SLC38A9: variants seen among roughly 807,000 people sequenced by gnomAD.
SLC38A9 encodes the protein neutral amino acid transporter 9.
In SLC38A9, 48 loss-of-function variants were observed where a neutral mutation model predicts 62.3. The observed-to-expected ratio is 0.77, with a 90% CI of 0.61 to 0.98. The LOEUF is 0.98. SLC38A9 is among the 50% of genes least tolerant of loss of function. The probability of loss-of-function intolerance (pLI) is 0.00; values close to 1 mark genes in which losing one functional copy is unlikely to be tolerated. For missense variants in SLC38A9, 541 were observed against 679.8 expected (o/e 0.80, Z 2.27); for synonymous variants, 204 against 227.7 (o/e 0.90, Z 0.94).
At chr5:55,690,704 A>C (rs1354121313) in intron 3 of SLC38A9, among the ~76,000 whole-genome samples, 1 of 152,152 alleles carries the variant, frequency 6.6e-6, no homozygotes, top group African/African-American at 2.4e-5. Flanking sequence ...GGATCTATCT[A>C]CTGTTACCTA....
intron 3 of SLC38A9, among the ~76,000 whole-genome samples, chr5:55,678,292 C>T (rs1362142831): frequency 6.6e-6 from 1 of 151,384 alleles, no homozygotes; most frequent in Non-Finnish European, 1.5e-5. Context: ...CATGTGCCAC[C>T]ACACCCAGCT....
rs372257570 is a variant in SLC38A9 at position 55,644,582 on chromosome 5, C to T, written c.1167+1207G>A. Among the ~76,000 whole-genome samples the T allele has an allele frequency of 1.8e-4, 27 of 151,628 alleles. 6 individuals are homozygous for T. Among genetic ancestry groups the T allele is most frequent in the South Asian group, 2.1e-4 (1 of 4,780 alleles). ...GATTACAGGCGCCCAACACCATACC[C>T]GACTAATTTTTGTATTTTTAGTAGA... On this transcript the variant is annotated intron_variant, in intron 12 of 15. Transcript: ENST00000396865.
At chr5:55,642,922 T>C (rs1179823342) in intron 12 of SLC38A9, among the ~76,000 whole-genome samples, 1 of 152,250 alleles carries the variant, frequency 6.6e-6, no homozygotes, top group Non-Finnish European at 1.5e-5. Context: ...GCCTTCTTAA[T>C]GACTGCCAAA....
chr5:55,696,845 C>T (rs575467358), intron 3 of SLC38A9: 5 of 159,078 alleles, frequency 3.1e-5, no homozygotes, highest in African/African-American at 7.6e-5. Flanking sequence ...TCTTCTCAGA[C>T]GGGGCGGCCG....
chr5:55,700,771 T>C (rs1756536574), intron 2 of SLC38A9, among the ~76,000 whole-genome samples: 1 of 152,222 alleles, frequency 6.6e-6, no homozygotes, highest in South Asian at 2.1e-4. Context: ...CTTAACTTAC[T>C]TGACCTATTG....
intron 8 of SLC38A9, among the ~76,000 whole-genome samples, chr5:55,662,676 C>CAA (rs200497047): frequency 2.2e-5 from 1 of 45,924 alleles, no homozygotes. Flanking sequence ...CTCAAAAAAA[C>CAA]AAAAAAAAAC....
At chr5:55,667,101 A>G (rs946762747) in intron 7 of SLC38A9, among the ~76,000 whole-genome samples, 1 of 152,200 alleles carries the variant, frequency 6.6e-6, no homozygotes, top group African/African-American at 2.4e-5. Context: ...AGGCTGAGGC[A>G]TGAGAATTGC....
intron 11 of SLC38A9, among the ~76,000 whole-genome samples, chr5:55,647,433 G>A (rs575596170): frequency 3.3e-5 from 5 of 152,156 alleles, no homozygotes; most frequent in East Asian, 1.9e-4. Flanking sequence ...AAGTAGAAAC[G>A]TATAAAAAGT....
At chr5:55,656,412 T>C (rs1293367766) in intron 9 of SLC38A9, among the ~76,000 whole-genome samples, 2 of 151,382 alleles carry the variant, frequency 1.3e-5, no homozygotes, top group Non-Finnish European at 2.9e-5. Flanking sequence ...GTGATATAGA[T>C]TCTTGAAAAT....
chr5:55,627,518 G>C (rs1179789803), intron 15 of SLC38A9, among the ~76,000 whole-genome samples: 1 of 152,084 alleles, frequency 6.6e-6, no homozygotes, highest in East Asian at 1.9e-4. Flanking sequence ...AAGGAACTTA[G>C]AATGGATTAA....
chr5:55,635,908 C>G (rs1034955844), intron 12 of SLC38A9, among the ~76,000 whole-genome samples: 1 of 151,628 alleles, frequency 6.6e-6, no homozygotes, highest in African/African-American at 2.4e-5. Flanking sequence ...TGTTGGCAGA[C>G]TTAGAAGTTA....
At position 55,633,876 on chromosome 5, in the gene SLC38A9, A is replaced by C; in HGVS notation, c.1308T>G (p.Ser436Arg). 1.9e-6 allele frequency: 3 copies of C among 1,605,400 alleles called. No homozygotes were observed. Among genetic ancestry groups the C allele is most frequent in the Non-Finnish European group, 2.6e-6 (3 of 1,175,928 alleles). ...EQNFLDNFPS[S>R]DTLSFIARIF... is the part of the protein sequence containing the mutation. ...TCCTTGCAATGAAGGACAGGGTGTC[A>C]CTGCTAGGGAAGTTGTCTAAAAAAT... Residue 436 changes from serine to arginine, a missense_variant, in exon 14 of 16, where the codon AGT becomes AGG. Physicochemically the swap from Ser to Arg is moderately radical, Grantham distance 110. Coordinates refer to ENST00000396865, the MANE Select transcript of SLC38A9 (RefSeq NM_173514.4).
chr5:55,684,231 T>C (rs911606571), intron 3 of SLC38A9, among the ~76,000 whole-genome samples: 2 of 152,226 alleles, frequency 1.3e-5, no homozygotes, highest in Non-Finnish European at 2.9e-5. Flanking sequence ...CACCTGTAAG[T>C]CTCTTTCTAT....
At chr5:55,707,639 C>T (rs1757457532) in intron 2 of SLC38A9, among the ~76,000 whole-genome samples, 1 of 152,186 alleles carries the variant, frequency 6.6e-6, no homozygotes, top group Admixed American at 6.5e-5. Context: ...AGTTTTAAAA[C>T]AAAGTCCCAG....
At chr5:55,657,722 C>T (rs1265382876) in intron 8 of SLC38A9, among the ~76,000 whole-genome samples, 5 of 152,100 alleles carry the variant, frequency 3.3e-5, no homozygotes, top group Non-Finnish European at 5.9e-5. Flanking sequence ...CTTCTATAAC[C>T]TGAGTAAGCA....
intron 3 of SLC38A9, among the ~76,000 whole-genome samples, chr5:55,679,626 T>C (rs960175000): frequency 1.3e-5 from 2 of 151,858 alleles, no homozygotes; most frequent in Non-Finnish European, 2.9e-5. Context: ...GCAGCAACAC[T>C]GGAATGAGGC....
At chr5:55,644,173 C>G (rs1469955997) in intron 12 of SLC38A9, among the ~76,000 whole-genome samples, 1 of 152,066 alleles carries the variant, frequency 6.6e-6, no homozygotes, top group African/African-American at 2.4e-5. Context: ...GTTGGCCAGG[C>G]TGGTCTCGAA....
rs909068361 is a variant in SLC38A9 at position 55,652,614 on chromosome 5, C to T, written c.867G>A (p.Arg289=). The change falls in exon 10 of 16, where the codon AGG becomes AGA. Residue 289 remains arginine, a synonymous_variant. Coordinates refer to ENST00000396865, the MANE Select transcript of SLC38A9 (RefSeq NM_173514.4). ...QQFEKWWDKS[R]TVPFYLVGLL... The stretch of plus-strand genomic sequence containing the variant: ...GCCCTACAAGATAAAAGGGGACTGT[C>T]CTGGACTTATCCCACCACTTTTCAA... 2 of 1,613,646 alleles carry T rather than the reference C, an allele frequency of 1.2e-6. No homozygotes were observed. The highest frequency in any genetic ancestry group is 1.7e-6 in the Non-Finnish European group (2 of 1,179,830).
At chr5:55,627,200 T>G (rs1408991076) in intron 15 of SLC38A9, among the ~76,000 whole-genome samples, 1 of 152,192 alleles carries the variant, frequency 6.6e-6, no homozygotes, top group Non-Finnish European at 1.5e-5. Context: ...TAGGAACTGG[T>G]AAGCCCTTTA....
Sources: allele counts gnomAD v4.1 joint callset (sites outside exome capture counted in the v4.1 genomes callset), GRCh38; gene constraint gnomAD v4.1.1; transcripts MANE v1.5; gene names NCBI Gene and HGNC (gene_info 2026-07-23, HGNC 2026-07-21).